CSMD1: variants seen among roughly 807,000 people sequenced by gnomAD.
CSMD1 encodes CUB and sushi domain-containing protein 1.
A neutral mutation model predicts 417.5 loss-of-function variants in CSMD1; 213 were observed. That is an observed-to-expected ratio of 0.51 (90% CI 0.46 to 0.57). CSMD1 has a LOEUF of 0.57. Among genes scored for constraint, CSMD1 ranks in the 20% least tolerant of loss-of-function variants. The pLI is 0.00. For synonymous variants in CSMD1, 2,862 were observed against 1,736.8 expected, an observed-to-expected ratio of 1.65 and a Z score of -16.11; for missense variants, 6,923 against 4,529.7, an observed-to-expected ratio of 1.53 and a Z score of -15.17.
intron 2 of CSMD1, among the ~76,000 whole-genome samples, chr8:4,576,490 C>G (rs1006069706): frequency 1.3e-5 from 2 of 152,172 alleles, no homozygotes; most frequent in Non-Finnish European, 2.9e-5. Context: ...TTTTCACATA[C>G]AGTTTCTAAT....
intron 3 of CSMD1, among the ~76,000 whole-genome samples, chr8:4,111,973 G>A (rs1364636466): frequency 6.6e-6 from 1 of 151,526 alleles, no homozygotes; most frequent in African/African-American, 2.4e-5. Flanking sequence ...TACATACATA[G>A]TTTTTTATTG....
At chr8:4,974,043 CAG>C (rs796713690) in intron 1 of CSMD1, among the ~76,000 whole-genome samples, 75 of 152,266 alleles carry the variant, frequency 4.9e-4, no homozygotes, top group African/African-American at 1.8e-3. Context: ...TTATTTTAGA[CAG>C]AGTCTCACCC....
intron 3 of CSMD1, among the ~76,000 whole-genome samples, chr8:4,177,956 A>G (rs1015831875): frequency 6.6e-6 from 1 of 152,222 alleles, no homozygotes; most frequent in African/African-American, 2.4e-5. Context: ...TCAACCAAAA[A>G]GAGTCCAGGA....
chr8:4,745,596 AAGAG>A (rs956427357), intron 1 of CSMD1, among the ~76,000 whole-genome samples: 2 of 152,020 alleles, frequency 1.3e-5, no homozygotes, highest in African/African-American at 4.8e-5. Context: ...GCTAGAAATA[AAGAG>A]AGAGAGAGGG....
chr8:3,980,777 C>T (rs899924608), intron 5 of CSMD1, among the ~76,000 whole-genome samples: 1 of 152,188 alleles, frequency 6.6e-6, no homozygotes, highest in African/African-American at 2.4e-5. Context: ...AGGCGACATT[C>T]TCACTTAGAC....
chr8:3,846,889 G>C (rs911291419), intron 5 of CSMD1, among the ~76,000 whole-genome samples: 2 of 152,130 alleles, frequency 1.3e-5, no homozygotes, highest in African/African-American at 4.8e-5. Context: ...TGGCCAAGCT[G>C]GTCTCAAACT....
intron 1 of CSMD1, among the ~76,000 whole-genome samples, chr8:4,933,157 T>A (rs1807358779): frequency 6.6e-6 from 1 of 152,162 alleles, no homozygotes; most frequent in African/African-American, 2.4e-5. Flanking sequence ...CTTTTTTACT[T>A]TTTTTTCTTT....
In CSMD1 at chr8:4,167,984, C is replaced by G. The variant is rs772381698; in HGVS notation, c.416-135885G>C. On this transcript the variant is annotated intron_variant, in intron 3 of 69. Transcript: ENST00000635120. ...CTCTACTAAAAATACAAAAAATTAG[C>G]CAGGCGTGGTGGCAGACTCCTGTAA... is the stretch of plus-strand genomic sequence containing the variant. Among the ~76,000 whole-genome samples, 9 of 151,970 alleles carry G rather than the reference C, an allele frequency of 5.9e-5. No individual in the cohort carries two copies. The East Asian group carries it at 7.8e-4, about 13-fold the overall frequency.
chr8:4,367,558 A>C (rs573264196), intron 3 of CSMD1, among the ~76,000 whole-genome samples: 87 of 152,264 alleles, frequency 5.7e-4, no homozygotes, highest in African/African-American at 2.0e-3. Context: ...TTTGGGCTCC[A>C]TATAAATTTT....
At chr8:3,919,754 C>G (rs536225688) in intron 5 of CSMD1, among the ~76,000 whole-genome samples, 1 of 151,940 alleles carries the variant, frequency 6.6e-6, no homozygotes, top group Non-Finnish European at 1.5e-5. Flanking sequence ...ATTAATTATT[C>G]CAATCCAGGA....
At position 3,982,546 on chromosome 8, in the gene CSMD1, G is replaced by A. The variant is rs182667840; in HGVS notation, c.818+15357C>T. Reference sequence around the variant, plus strand: ...TACCATTTAGAATTATGTGCACTAGGATTATGTGCACTAGAATTATGCGCC... The same window carrying A: ...TACCATTTAGAATTATGTGCACTAGAATTATGTGCACTAGAATTATGCGCC... On this transcript the variant is annotated intron_variant, in intron 5 of 69. Coordinates refer to ENST00000635120, the MANE Select transcript of CSMD1 (RefSeq NM_033225.6). 2.0e-4 allele frequency among the ~76,000 whole-genome samples: 31 copies of A among 152,020 alleles called. No homozygotes were observed. The East Asian group carries it at 5.4e-3, about 27-fold the overall frequency.
chr8:3,433,884 T>A (rs17066130), intron 12 of CSMD1, among the ~76,000 whole-genome samples: 2,995 of 152,286 alleles, frequency 0.02, 109 homozygotes, highest in African/African-American at 0.067. Context: ...CAACTTCTGG[T>A]TAAGTCAGCT....
chr8:4,664,335 G>T (rs1046551107), intron 1 of CSMD1, among the ~76,000 whole-genome samples: 1 of 152,098 alleles, frequency 6.6e-6, no homozygotes, highest in South Asian at 2.1e-4. Context: ...TGAGGCGGGC[G>T]GATCACTTGA....
chr8:4,132,160 C>A (rs1803147622), intron 3 of CSMD1, among the ~76,000 whole-genome samples: 1 of 149,746 alleles, frequency 6.7e-6, no homozygotes. Context: ...CAGCTGTTGC[C>A]TGTTTGTTTA....
intron 17 of CSMD1, 32 bp downstream of exon 17, chr8:3,396,162 C>G: frequency 6.5e-7 from 1 of 1,541,018 alleles, no homozygotes; most frequent in Non-Finnish European, 8.8e-7. Flanking sequence ...GCATGCTGCC[C>G]TGCCGGGCTG....
chr8:4,110,713 T>C (rs1215320348), intron 3 of CSMD1, among the ~76,000 whole-genome samples: 1 of 152,114 alleles, frequency 6.6e-6, no homozygotes, highest in Non-Finnish European at 1.5e-5. Flanking sequence ...CAGGGTTTTT[T>C]TTCCCCTTTC....
chr8:3,914,743 C>G (rs988902713), intron 5 of CSMD1, among the ~76,000 whole-genome samples: 4 of 151,888 alleles, frequency 2.6e-5, no homozygotes, highest in Non-Finnish European at 4.4e-5. Context: ...GATCCTTTGA[C>G]ATGTATCTGT....
intron 5 of CSMD1, among the ~76,000 whole-genome samples, chr8:3,879,873 T>C (rs570603242): frequency 6.6e-6 from 1 of 152,180 alleles, no homozygotes; most frequent in Admixed American, 6.6e-5. Flanking sequence ...AGTCTTCTTC[T>C]GGTGTGGATG....
chr8:4,228,582 G>A (rs1801509886), intron 3 of CSMD1, among the ~76,000 whole-genome samples: 1 of 133,134 alleles, frequency 7.5e-6, no homozygotes, highest in Admixed American at 7.8e-5. Flanking sequence ...TCTCTTCTCT[G>A]TCAGATCTTT....
Sources: gnomAD v4.1 joint callset for allele counts (sites outside exome capture counted in the v4.1 genomes callset) on GRCh38, gnomAD v4.1.1 for gene constraint, MANE v1.5 for transcripts, NCBI Gene and HGNC (gene_info 2026-07-23, HGNC 2026-07-21) for gene names.